Variants in ARID3B observed in about 807,000 individuals in gnomAD.
ARID3B encodes AT-rich interactive domain-containing protein 3B.
A neutral mutation model predicts 51.9 loss-of-function variants in ARID3B; 10 were observed. That is an observed-to-expected ratio of 0.19 (90% CI 0.12 to 0.33). The LOEUF (loss-of-function observed/expected upper bound fraction) is 0.33. ARID3B is among the 10% of genes least tolerant of loss of function. ARID3B has a pLI of 1.00. For missense variants in ARID3B, 483 were observed against 716.3 expected, an observed-to-expected ratio of 0.67 and a Z score of 3.72; for synonymous variants, 205 against 279.5, an observed-to-expected ratio of 0.73 and a Z score of 2.66.
At chr15:74,547,992 C>G (rs2061622203) in intron 2 of ARID3B, among the ~76,000 whole-genome samples, 2 of 152,158 alleles carry the variant, frequency 1.3e-5, no homozygotes, top group Admixed American at 1.3e-4. Context: ...TTTGAAGAAA[C>G]TCTTAGAAAA....
At chr15:74,550,228 C>T (rs1026438136) in intron 2 of ARID3B, among the ~76,000 whole-genome samples, 1 of 152,146 alleles carries the variant, frequency 6.6e-6, no homozygotes, top group Non-Finnish European at 1.5e-5. Context: ...TCTTTCAGCC[C>T]AGCACTCCAT....
At chr15:74,595,473 T>C in intron 8 of ARID3B, 138 bp from the exon 9 acceptor site, 1 of 947,820 alleles carries the variant, frequency 1.1e-6, no homozygotes. Flanking sequence ...CATTTGGATC[T>C]TCTCCCATCA....
At position 74,544,154 on chromosome 15, in the gene ARID3B, C is replaced by T; in HGVS notation, c.218C>T (p.Pro73Leu). 2 of 1,613,838 alleles carry T rather than the reference C, an allele frequency of 1.2e-6. No homozygotes were observed. The highest frequency in any genetic ancestry group is 2.2e-5 in the East Asian group (1 of 44,890). ...CCCTTAGGTCCCTTAGCCAGAGTTC[C>T]ACCCACCGCAGCAGTGGCCCAAGTG... ...STPLGPLARV[P>L]PTAAVAQVFE... The change falls in exon 2 of 9, where the codon CCA (proline) becomes CTA (leucine). Residue 73 changes from proline (P) to leucine (L), a missense_variant. Coordinates refer to ENST00000346246, the MANE Select transcript of ARID3B (RefSeq NM_006465.4).
intron 4 of ARID3B, among the ~76,000 whole-genome samples, chr15:74,589,049 T>A (rs866981741): frequency 1.4e-4 from 14 of 102,916 alleles, no homozygotes; most frequent in South Asian, 8.2e-4. Flanking sequence ...TTTTTTTTTT[T>A]AAGACAGTCT....
chr15:74,582,462 C>T (rs1213628322), intron 4 of ARID3B, among the ~76,000 whole-genome samples: 1 of 152,176 alleles, frequency 6.6e-6, no homozygotes, highest in East Asian at 1.9e-4. Flanking sequence ...GCCACCGCGC[C>T]CAGCCACCAT....
intron 1 of ARID3B, among the ~76,000 whole-genome samples, chr15:74,541,814 G>T (rs898965582): frequency 6.6e-6 from 1 of 152,046 alleles, no homozygotes; most frequent in Admixed American, 6.6e-5. Flanking sequence ...CAGGTAGTCC[G>T]TTGTACCCGG....
At chr15:74,557,678 G>A (rs1325513063) in intron 2 of ARID3B, among the ~76,000 whole-genome samples, 1 of 152,028 alleles carries the variant, frequency 6.6e-6, no homozygotes, top group African/African-American at 2.4e-5. Context: ...GCCATTGCAA[G>A]GTTATTATTG....
intron 4 of ARID3B, among the ~76,000 whole-genome samples, chr15:74,588,058 T>C (rs1237419537): frequency 1.3e-5 from 2 of 151,962 alleles, no homozygotes; most frequent in South Asian, 2.1e-4. Context: ...CTGGGCAACA[T>C]AGGAAGATCC....
chr15:74,552,243 A>T (rs1596251103), intron 2 of ARID3B, among the ~76,000 whole-genome samples: 1 of 134,290 alleles, frequency 7.4e-6, no homozygotes, highest in African/African-American at 2.8e-5. Context: ...TTGTATTTTT[A>T]ATAGAGATGG....
intron 2 of ARID3B, among the ~76,000 whole-genome samples, chr15:74,562,278 A>G (rs1013155966): frequency 6.6e-6 from 1 of 152,058 alleles, no homozygotes; most frequent in African/African-American, 2.4e-5. Context: ...AGTAGCTGGG[A>G]TTACAGGCAT....
At chr15:74,543,017 A>C (rs748147426) in intron 1 of ARID3B, among the ~76,000 whole-genome samples, 1 of 152,240 alleles carries the variant, frequency 6.6e-6, no homozygotes, top group Non-Finnish European at 1.5e-5. Context: ...GGGGATGTGA[A>C]GAGATTTACT....
At chr15:74,547,350 T>G (rs2061619838) in intron 2 of ARID3B, among the ~76,000 whole-genome samples, 1 of 152,162 alleles carries the variant, frequency 6.6e-6, no homozygotes, top group Admixed American at 6.6e-5. Context: ...TTTATTTATT[T>G]TTTTGTATTT....
chr15:74,586,540 T>C (rs1162174764), intron 4 of ARID3B, among the ~76,000 whole-genome samples: 1 of 152,260 alleles, frequency 6.6e-6, no homozygotes, highest in African/African-American at 2.4e-5. Context: ...GTAATTCCTC[T>C]CTGGGGAGTT....
At chr15:74,594,962 C>T (rs532260417) in intron 8 of ARID3B, among the ~76,000 whole-genome samples, 6 of 152,328 alleles carry the variant, frequency 3.9e-5, no homozygotes, top group African/African-American at 1.4e-4. Context: ...TCCTTTTGTC[C>T]TCTGTCAAGG....
intron 4 of ARID3B, among the ~76,000 whole-genome samples, chr15:74,585,233 C>G: frequency 6.6e-6 from 1 of 152,208 alleles, no homozygotes; most frequent in Middle Eastern, 3.2e-3. Flanking sequence ...TTGCCTCCTT[C>G]CTGGTGCTCT....
intron 1 of ARID3B, among the ~76,000 whole-genome samples, chr15:74,542,329 G>A (rs1056557868): frequency 4.6e-5 from 7 of 152,200 alleles, no homozygotes; most frequent in African/African-American, 1.7e-4. Flanking sequence ...AAGAGCTAAA[G>A]CAGAATGAAA....
intron 8 of ARID3B, among the ~76,000 whole-genome samples, chr15:74,594,653 C>G (rs1349266365): frequency 6.6e-6 from 1 of 152,266 alleles, no homozygotes; most frequent in Admixed American, 6.5e-5. Context: ...CTAAGGGCCA[C>G]ACTCCCTCAG....
chr15:74,543,644 T>C (rs1291698824), intron 1 of ARID3B, among the ~76,000 whole-genome samples: 2 of 152,108 alleles, frequency 1.3e-5, no homozygotes, highest in African/African-American at 4.8e-5. Context: ...ATTCATTCCC[T>C]ATTTCCCCTC....
At chr15:74,568,036 C>T (rs1363491294) in intron 2 of ARID3B, among the ~76,000 whole-genome samples, 1 of 152,162 alleles carries the variant, frequency 6.6e-6, no homozygotes, top group Non-Finnish European at 1.5e-5. Context: ...TCTCCTCTCC[C>T]CTGATCCTCT....
Sources: gnomAD v4.1 joint callset for allele counts (sites outside exome capture counted in the v4.1 genomes callset) on GRCh38, gnomAD v4.1.1 for gene constraint, MANE v1.5 for transcripts, NCBI Gene and HGNC (gene_info 2026-07-23, HGNC 2026-07-21) for gene names.